CCSER1: variants seen among roughly 807,000 people sequenced by gnomAD.
CCSER1 encodes serine-rich coiled-coil domain-containing protein 1.
In CCSER1, 41 loss-of-function variants were observed where a neutral mutation model predicts 82.0. The ratio of observed to expected loss-of-function variants is 0.50; its 90% CI spans 0.39 to 0.65. The LOEUF (loss-of-function observed/expected upper bound fraction) is 0.65. Ranked by LOEUF, CCSER1 falls within the 30% of genes least tolerant of loss-of-function variation. The pLI is 0.00. For synonymous variants in CCSER1, 414 were observed against 383.9 expected, an observed-to-expected ratio of 1.08 and a Z score of -0.92; for missense variants, 1,119 against 1,064.2, an observed-to-expected ratio of 1.05 and a Z score of -0.72.
chr4:90,298,706 T>C (rs1263460945), intron 1 of CCSER1, among the ~76,000 whole-genome samples: 3 of 152,098 alleles, frequency 2.0e-5, no homozygotes, highest in Non-Finnish European at 4.4e-5. Flanking sequence ...TTTGTTCTCA[T>C]TGGTTTCAAA....
chr4:90,258,008 G>A (rs1723659374), intron 1 of CCSER1, among the ~76,000 whole-genome samples: 1 of 152,138 alleles, frequency 6.6e-6, no homozygotes, highest in South Asian at 2.1e-4. Flanking sequence ...TGGGCAGTCT[G>A]TGGTCCAGTC....
intron 5 of CCSER1, among the ~76,000 whole-genome samples, chr4:90,582,199 T>C (rs1163473654): frequency 6.6e-6 from 1 of 152,082 alleles, no homozygotes; most frequent in Non-Finnish European, 1.5e-5. Context: ...CTGATCAAAC[T>C]TGTATTGTGG....
At chr4:91,338,937 C>T (rs892167418) in intron 10 of CCSER1, among the ~76,000 whole-genome samples, 1 of 152,066 alleles carries the variant, frequency 6.6e-6, no homozygotes, top group Non-Finnish European at 1.5e-5. Context: ...GCAGTTTGGC[C>T]AAAGATACTG....
chr4:90,163,255 TAATA>T (rs997541658), intron 1 of CCSER1, among the ~76,000 whole-genome samples: 1 of 152,048 alleles, frequency 6.6e-6, no homozygotes, highest in African/African-American at 2.4e-5. Flanking sequence ...GCTTTTAATG[TAATA>T]AGTGGGGATA....
intron 4 of CCSER1, among the ~76,000 whole-genome samples, chr4:90,439,068 T>TA (rs1403867878): frequency 1.3e-5 from 2 of 151,980 alleles, no homozygotes; most frequent in African/African-American, 4.8e-5. Flanking sequence ...CTGAGGCAGG[T>TA]AGATCACGAG....
At chr4:91,597,206 T>A (rs1182276303) in intron 10 of CCSER1, among the ~76,000 whole-genome samples, 1 of 152,022 alleles carries the variant, frequency 6.6e-6, no homozygotes, top group Non-Finnish European at 1.5e-5. Context: ...GTGCTACAAT[T>A]TTCCAGTCTG....
intron 3 of CCSER1, among the ~76,000 whole-genome samples, chr4:90,374,080 A>G (rs1747911624): frequency 6.6e-6 from 1 of 152,200 alleles, no homozygotes; most frequent in South Asian, 2.1e-4. Flanking sequence ...CTAACTTATT[A>G]GCTTGCAAGT....
chr4:91,171,718 G>A (rs1336875776), intron 10 of CCSER1, among the ~76,000 whole-genome samples: 8 of 151,790 alleles, frequency 5.3e-5, no homozygotes, highest in Non-Finnish European at 8.8e-5. Context: ...TCATATAAAA[G>A]AGTGGAATAT....
At chr4:91,459,252 G>A (rs899319234) in intron 10 of CCSER1, among the ~76,000 whole-genome samples, 1 of 151,980 alleles carries the variant, frequency 6.6e-6, no homozygotes, top group Non-Finnish European at 1.5e-5. Flanking sequence ...TGTATGAAAG[G>A]GAGGCTTAAG....
intron 9 of CCSER1, among the ~76,000 whole-genome samples, chr4:91,052,186 C>T (rs947104392): frequency 1.3e-5 from 2 of 151,866 alleles, no homozygotes; most frequent in Non-Finnish European, 2.9e-5. Context: ...TATTTGCTAT[C>T]GTTATATAAT....
chr4:91,438,879 C>T (rs1754889803), intron 10 of CCSER1, among the ~76,000 whole-genome samples: 1 of 151,986 alleles, frequency 6.6e-6, no homozygotes, highest in African/African-American at 2.4e-5. Context: ...GAAAGGGTAT[C>T]AGTGATGGAA....
rs576809505 is a variant in CCSER1, at chr4:90,133,719, A to C, written c.-42+5888A>C. Among the ~76,000 whole-genome samples the C allele has an allele frequency of 5.3e-5, 8 of 152,232 alleles. No homozygotes were observed. The South Asian group carries it at 8.3e-4, about 16-fold the overall frequency. On this transcript the variant is annotated intron_variant, in intron 1 of 10. Transcript: ENST00000509176. ...TACCTTTCTTGGCCTTGTTTTCTAC[A>C]TCGGTTGCCCTGTTATATATAGTTT...
chr4:90,913,542 A>G (rs1479319287), intron 8 of CCSER1, among the ~76,000 whole-genome samples: 1 of 152,220 alleles, frequency 6.6e-6, no homozygotes, highest in Non-Finnish European at 1.5e-5. Flanking sequence ...AAAAGATGCC[A>G]AAATGTAAAG....
chr4:90,406,301 G>C (rs1419760510), intron 4 of CCSER1, among the ~76,000 whole-genome samples: 2 of 152,070 alleles, frequency 1.3e-5, no homozygotes, highest in African/African-American at 2.4e-5. Context: ...TAGTCCAATA[G>C]GAAAATATTG....
At chr4:91,029,357 A>G (rs1029179141) in intron 9 of CCSER1, among the ~76,000 whole-genome samples, 4 of 152,168 alleles carry the variant, frequency 2.6e-5, no homozygotes, top group African/African-American at 9.6e-5. Context: ...CTATGCTACA[A>G]GAGAATCATT....
At chr4:90,321,827 TA>T (rs1423253701) in intron 3 of CCSER1, among the ~76,000 whole-genome samples, 1 of 152,206 alleles carries the variant, frequency 6.6e-6, no homozygotes, top group Non-Finnish European at 1.5e-5. Flanking sequence ...TGCCTATTTT[TA>T]AATTGGATTA....
In CCSER1 at chr4:90,581,476, T is replaced by C. The variant is rs562373426; in HGVS notation, c.1725-46549T>C. On this transcript the variant is annotated intron_variant, in intron 5 of 10. Transcript: ENST00000509176. ...ATCTGTTTGATTACGTTCTACTTAATGCAAGTTTATACATAGTTAAGGGGT... is the reference window on the plus strand; with the variant it reads ...ATCTGTTTGATTACGTTCTACTTAACGCAAGTTTATACATAGTTAAGGGGT... 9.2e-5 allele frequency among the ~76,000 whole-genome samples: 14 copies of C among 152,238 alleles called. No individual in the cohort carries two copies. In the East Asian group the frequency reaches 2.7e-3, roughly 29 times the overall value.
intron 10 of CCSER1, among the ~76,000 whole-genome samples, chr4:91,414,996 A>G (rs2149376476): frequency 6.6e-6 from 1 of 152,282 alleles, no homozygotes; most frequent in South Asian, 2.1e-4. Flanking sequence ...GGAGACTTTT[A>G]TACCCCACTT....
intron 10 of CCSER1, among the ~76,000 whole-genome samples, chr4:91,238,879 A>C (rs1739227287): frequency 6.6e-6 from 1 of 151,392 alleles, no homozygotes; most frequent in Non-Finnish European, 1.5e-5. Context: ...GCTAGAGTGC[A>C]GTGGCAGGAC....
Sources: allele counts gnomAD v4.1 joint callset (sites outside exome capture counted in the v4.1 genomes callset), GRCh38; gene constraint gnomAD v4.1.1; transcripts MANE v1.5; gene names NCBI Gene and HGNC (gene_info 2026-07-23, HGNC 2026-07-21).